CPS1: variants seen among roughly 807,000 people sequenced by gnomAD.
The protein encoded by CPS1 is carbamoyl-phosphate synthase [ammonia], mitochondrial.
In CPS1, 109 loss-of-function variants were observed where a neutral mutation model predicts 174.6. The observed-to-expected ratio is 0.62, with a 90% confidence interval of 0.53 to 0.73. The LOEUF (loss-of-function observed/expected upper bound fraction) is 0.73. Among genes scored for constraint, CPS1 ranks in the 30% least tolerant of loss-of-function variants. The probability of loss-of-function intolerance (pLI) is 0.00; values close to 1 mark genes in which losing one functional copy is unlikely to be tolerated. For missense variants in CPS1, 1,689 were observed against 1,821.9 expected (o/e 0.93, Z 1.33); for synonymous variants, 637 against 632.0 (o/e 1.01, Z -0.12).
chr2:210,540,791 T>C (rs1044671589), intron 1 of CPS1, among the ~76,000 whole-genome samples: 5 of 152,196 alleles, frequency 3.3e-5, no homozygotes, highest in South Asian at 2.1e-4. Flanking sequence ...TCTAGAAATA[T>C]GTCTGTGTTT....
Position 210,656,572 on chromosome 2 carries a change from C to G in CPS1, c.3606C>G (p.His1202Gln). ...AACATGTTGAAGATGCAGGTGTCCA[C>G]TCGGGAGATGCCACTCTGATGCTGC... ...ISEHVEDAGVHSGDATLMLPT... is the reference protein window; with the variant it reads ...ISEHVEDAGVQSGDATLMLPT... Residue 1202 changes from histidine (H) to glutamine (Q), a missense_variant, in exon 30 of 38, where the codon CAC becomes CAG. His to Gln is a conservative substitution (Grantham distance 24). Transcript: ENST00000233072. The G allele has an allele frequency of 3.1e-6, 5 of 1,609,508 alleles. No homozygotes were observed. The highest frequency in any genetic ancestry group is 4.2e-6 in the Non-Finnish European group (5 of 1,179,490).
chr2:210,599,308 T>C, intron 13 of CPS1, 64 bp from the exon 14 acceptor site: 1 of 1,485,954 alleles, frequency 6.7e-7, no homozygotes, highest in Non-Finnish European at 9.4e-7. Context: ...TCTTTTTATT[T>C]AAGTGTGGTC....
At chr2:210,514,769 C>G (rs1458489082) in intron 1 of CPS1, among the ~76,000 whole-genome samples, 2 of 141,690 alleles carry the variant, frequency 1.4e-5, no homozygotes, top group African/African-American at 2.6e-5. Flanking sequence ...TGTTCCAGTT[C>G]TCAATGGGAA....
intron 21 of CPS1, among the ~76,000 whole-genome samples, chr2:210,626,211 C>A (rs1699693784): frequency 6.6e-6 from 1 of 152,142 alleles, no homozygotes; most frequent in Non-Finnish European, 1.5e-5. Flanking sequence ...GTTTCCAATT[C>A]TTTATTTACC....
intron 25 of CPS1, among the ~76,000 whole-genome samples, chr2:210,643,788 C>T (rs1700295835): frequency 6.6e-6 from 1 of 152,034 alleles, no homozygotes. Context: ...GAATATATAG[C>T]ATTTTTTAGA....
At chr2:210,485,742 G>A (rs1694699050) in intron 1 of CPS1, among the ~76,000 whole-genome samples, 1 of 152,020 alleles carries the variant, frequency 6.6e-6, no homozygotes, top group South Asian at 2.1e-4. Context: ...CAAGTAACAT[G>A]TTCATACTTT....
chr2:210,601,246 A>C (rs1574576074), intron 15 of CPS1, among the ~76,000 whole-genome samples: 1 of 152,060 alleles, frequency 6.6e-6, no homozygotes, highest in East Asian at 2.0e-4. Context: ...ATAAGCTATT[A>C]ACAGTTACCA....
At chr2:210,490,060 G>A (rs371692593) in intron 1 of CPS1, among the ~76,000 whole-genome samples, 2 of 144,858 alleles carry the variant, frequency 1.4e-5, no homozygotes, top group Admixed American at 1.4e-4. Context: ...AAGAAAGGAT[G>A]GAAGGAAGAA....
chr2:210,556,584 A>G (rs1402812597), upstream of CPS1: 1 of 1,487,046 alleles, frequency 6.7e-7, no homozygotes, highest in East Asian at 2.5e-5. Context: ...TTAATGGCAG[A>G]ATGAATGGAA....
At chr2:210,616,200 C>G (rs1699297933) in intron 20 of CPS1, among the ~76,000 whole-genome samples, 2 of 151,922 alleles carry the variant, frequency 1.3e-5, no homozygotes, top group African/African-American at 2.4e-5. Context: ...ACACACCACT[C>G]AAGGCAAGCA....
Position 210,676,925 on chromosome 2 carries a change from A to T in CPS1, c.4275-82A>T. 5 of 1,410,070 alleles carry T rather than the reference A, an allele frequency of 3.5e-6. No individual in the cohort carries two copies. The South Asian group carries it at 4.6e-5, about 13-fold the overall frequency. 87.3% of individuals were successfully genotyped at this position (1,410,070 alleles called of 1,614,324 possible). A position where few individuals can be genotyped will look rare whatever the true frequency, so the allele number is the denominator to read the frequency against. ...CAGCATGGCATTGACTTGAATGGCT[A>T]AGAGAGCAATTTATGTTAGTATTTT... On this transcript the variant is annotated intron_variant, in intron 36 of 37. Transcript: ENST00000233072.
chr2:210,628,163 T>A (rs1027401577), intron 21 of CPS1, among the ~76,000 whole-genome samples: 2 of 152,188 alleles, frequency 1.3e-5, no homozygotes, highest in Non-Finnish European at 2.9e-5. Flanking sequence ...TTACTTCTTC[T>A]ACCCCTCCCC....
chr2:210,541,125 G>C (rs1413025967), intron 1 of CPS1, among the ~76,000 whole-genome samples: 1 of 152,080 alleles, frequency 6.6e-6, no homozygotes. Context: ...AGATCATCGG[G>C]AGTGCACTCA....
At chr2:210,561,129 A>G (rs1440267350) in intron 1 of CPS1, among the ~76,000 whole-genome samples, 1 of 152,190 alleles carries the variant, frequency 6.6e-6, no homozygotes, top group Non-Finnish European at 1.5e-5. Flanking sequence ...TTAGTCACCA[A>G]CAACGCCTTG....
chr2:210,561,466 T>C (rs1396373081), intron 1 of CPS1, among the ~76,000 whole-genome samples: 1 of 152,222 alleles, frequency 6.6e-6, no homozygotes, highest in Admixed American at 6.5e-5. Flanking sequence ...GTCTTATTGC[T>C]ATGGAAATGG....
intron 32 of CPS1, among the ~76,000 whole-genome samples, chr2:210,662,290 A>G (rs1041138387): frequency 1.3e-5 from 2 of 152,162 alleles, no homozygotes; most frequent in Non-Finnish European, 2.9e-5. Context: ...ATTACTTAGT[A>G]ATTGTCAATC....
At chr2:210,629,084 T>C (rs1379013002) in intron 21 of CPS1, among the ~76,000 whole-genome samples, 1 of 152,220 alleles carries the variant, frequency 6.6e-6, no homozygotes, top group East Asian at 1.9e-4. Context: ...TTTCTTCTTA[T>C]CTGTTAGATT....
intron 1 of CPS1, among the ~76,000 whole-genome samples, chr2:210,481,425 C>T (rs558338333): frequency 3.9e-4 from 59 of 152,284 alleles, no homozygotes; most frequent in Non-Finnish European, 6.2e-4. Flanking sequence ...CTTCTCAGGA[C>T]GCTGAATTGT....
chr2:210,652,112 A>G (rs1232654149), intron 28 of CPS1, among the ~76,000 whole-genome samples: 1 of 152,150 alleles, frequency 6.6e-6, no homozygotes, highest in Non-Finnish European at 1.5e-5. Flanking sequence ...AATGGCTTAC[A>G]TTGTGGGAGT....
Sources: gnomAD v4.1 joint callset for allele counts (sites outside exome capture counted in the v4.1 genomes callset) on GRCh38, gnomAD v4.1.1 for gene constraint, MANE v1.5 for transcripts, NCBI Gene and HGNC (gene_info 2026-07-23, HGNC 2026-07-21) for gene names.